Variants in GABRB2 observed in about 807,000 individuals in gnomAD.
The protein encoded by GABRB2 is gamma-aminobutyric acid receptor subunit beta-2.
A neutral mutation model predicts 54.7 loss-of-function variants in GABRB2; 16 were observed. The ratio of observed to expected loss-of-function variants is 0.29; its 90% CI spans 0.20 to 0.44. The LOEUF (loss-of-function observed/expected upper bound fraction) is 0.44, where lower values mean the gene tolerates loss of function less well. GABRB2 is among the 20% of genes least tolerant of loss of function. The pLI, the probability that GABRB2 is intolerant of heterozygous loss-of-function variation, is 1.00. For missense variants in GABRB2, 355 were observed against 644.0 expected, an observed-to-expected ratio of 0.55 and a Z score of 4.86; for synonymous variants, 244 against 233.8, an observed-to-expected ratio of 1.04 and a Z score of -0.40.
At chr5:161,298,495 A>C (rs1479790361) in intron 9 of GABRB2, among the ~76,000 whole-genome samples, 1 of 152,242 alleles carries the variant, frequency 6.6e-6, no homozygotes, top group South Asian at 2.1e-4. Context: ...CTCAATAAGT[A>C]AATATTTATT....
At chr5:161,524,374 G>GA (rs1760207662) in intron 3 of GABRB2, among the ~76,000 whole-genome samples, 2 of 151,692 alleles carry the variant, frequency 1.3e-5, no homozygotes, top group Non-Finnish European at 3.0e-5. Context: ...CTGGCAAGCA[G>GA]ACGCAACTTG....
chr5:161,302,883 C>G (rs1027422797), intron 9 of GABRB2, among the ~76,000 whole-genome samples: 1 of 152,200 alleles, frequency 6.6e-6, no homozygotes, highest in African/African-American at 2.4e-5. Context: ...ACATCTTTGA[C>G]TCTTCAAATC....
chr5:161,477,284 C>CAAAAAAAAAAAAAACAAAAAAA (rs1758622373), intron 3 of GABRB2, among the ~76,000 whole-genome samples: 1 of 127,850 alleles, frequency 7.8e-6, no homozygotes, highest in Non-Finnish European at 1.7e-5. Flanking sequence ...CAAACAAAAG[C>CAAAAAAAAAAAAAACAAAAAAA]AAAAAAAAAA....
At chr5:161,413,466 C>T (rs534999953) in intron 4 of GABRB2, among the ~76,000 whole-genome samples, 17 of 152,154 alleles carry the variant, frequency 1.1e-4, no homozygotes, top group African/African-American at 3.1e-4. Context: ...AAGTTACATT[C>T]GCATTTTATT....
chr5:161,505,366 G>A (rs974434011), intron 3 of GABRB2, among the ~76,000 whole-genome samples: 2 of 151,854 alleles, frequency 1.3e-5, no homozygotes, highest in African/African-American at 4.8e-5. Flanking sequence ...CCTGAGCTCT[G>A]GTGATCCACC....
chr5:161,544,058 G>T, intron 3 of GABRB2, among the ~76,000 whole-genome samples: 1 of 152,172 alleles, frequency 6.6e-6, no homozygotes, highest in East Asian at 1.9e-4. Context: ...GACAGTGTAT[G>T]AGGACTATGT....
chr5:161,300,979 G>A (rs1416575297), intron 9 of GABRB2, among the ~76,000 whole-genome samples: 7 of 152,212 alleles, frequency 4.6e-5, no homozygotes, highest in Admixed American at 2.6e-4. Flanking sequence ...TTGCATTAAA[G>A]GTTTTACACA....
chr5:161,496,901 A>G (rs1443849524), intron 3 of GABRB2, among the ~76,000 whole-genome samples: 1 of 152,150 alleles, frequency 6.6e-6, no homozygotes, highest in African/African-American at 2.4e-5. Flanking sequence ...TTAATCATAT[A>G]TATGTATACA....
At chr5:161,437,631 C>A (rs532957876) in intron 4 of GABRB2, among the ~76,000 whole-genome samples, 1 of 152,060 alleles carries the variant, frequency 6.6e-6, no homozygotes, top group Non-Finnish European at 1.5e-5. Context: ...ACTTGGACAG[C>A]ATTTCTGGAC....
intron 3 of GABRB2, among the ~76,000 whole-genome samples, chr5:161,511,042 A>G (rs570574273): frequency 6.6e-6 from 1 of 152,056 alleles, no homozygotes; most frequent in Non-Finnish European, 1.5e-5. Context: ...AATTGATCAC[A>G]GTATAGTTTT....
intron 3 of GABRB2, among the ~76,000 whole-genome samples, chr5:161,464,562 G>C (rs1758221219): frequency 1.3e-5 from 2 of 152,182 alleles, no homozygotes; most frequent in South Asian, 4.1e-4. Flanking sequence ...ACATACATTT[G>C]ACACAGAACC....
rs927619779 is a variant in GABRB2, at chr5:161,334,694, C to T, written c.832+58G>A. On this transcript the variant is annotated intron_variant, in intron 7 of 9. Transcript: ENST00000393959. ...TCAGGATAAGGAAAACGCGTGCATG[C>T]GAACACAGAAATGTACACACAGAGT... The T allele has an allele frequency of 1.3e-5, 21 of 1,571,426 alleles. No homozygotes were observed. In the Middle Eastern group the frequency reaches 5.2e-4, roughly 39 times the overall value.
At chr5:161,335,028 C>A (rs1268656481) in intron 6 of GABRB2, 124 bp from the exon 7 acceptor site, 3 of 950,450 alleles carry the variant, frequency 3.2e-6, no homozygotes, top group Non-Finnish European at 4.6e-6. Context: ...AGGACACTTT[C>A]TTCTGCAAAA....
At position 161,474,135 on chromosome 5, in the gene GABRB2, T is replaced by C. The variant is rs150174630; in HGVS notation, c.238-14291A>G. 3.1e-3 allele frequency among the ~76,000 whole-genome samples: 471 copies of C among 152,108 alleles called. 2 individuals carry two copies. Among genetic ancestry groups the C allele is most frequent in the Middle Eastern group, 6.8e-3 (2 of 294 alleles). On this transcript the variant is annotated intron_variant, in intron 3 of 9. Transcript: ENST00000393959. ...GGATGGATTGGGAAGAGACCAGCTC[T>C]AAGCATCTTATAATGTATTTTTGGC...
At chr5:161,453,716 T>C (rs1383814156) in intron 4 of GABRB2, among the ~76,000 whole-genome samples, 1 of 152,114 alleles carries the variant, frequency 6.6e-6, no homozygotes, top group Non-Finnish European at 1.5e-5. Flanking sequence ...GGTCACAAAC[T>C]GCAATTTTAA....
chr5:161,366,456 C>T (rs1032267128), intron 5 of GABRB2, among the ~76,000 whole-genome samples: 1 of 152,074 alleles, frequency 6.6e-6, no homozygotes, highest in African/African-American at 2.4e-5. Context: ...AATCATTTGA[C>T]ATTATCTGAA....
chr5:161,519,221 TG>T (rs1760041589), intron 3 of GABRB2, among the ~76,000 whole-genome samples: 1 of 152,208 alleles, frequency 6.6e-6, no homozygotes, highest in Non-Finnish European at 1.5e-5. Context: ...GATAATATTT[TG>T]GCAAGTGAAT....
At chr5:161,418,028 G>C (rs1756731595) in intron 4 of GABRB2, among the ~76,000 whole-genome samples, 1 of 152,122 alleles carries the variant, frequency 6.6e-6, no homozygotes. Flanking sequence ...TTCTGCAGCT[G>C]TTTGGCCTTC....
intron 3 of GABRB2, among the ~76,000 whole-genome samples, chr5:161,543,840 A>T (rs945340143): frequency 2.6e-5 from 4 of 152,218 alleles, no homozygotes; most frequent in Non-Finnish European, 5.9e-5. Context: ...TGTGAGGGAA[A>T]TTTTTGGTTC....
Sources: allele counts gnomAD v4.1 joint callset (sites outside exome capture counted in the v4.1 genomes callset), GRCh38; gene constraint gnomAD v4.1.1; transcripts MANE v1.5; gene names NCBI Gene and HGNC (gene_info 2026-07-23, HGNC 2026-07-21).